Variants in ASAP2 observed in about 807,000 individuals in gnomAD.
The protein encoded by ASAP2 is arf-GAP with SH3 domain, ANK repeat and PH domain-containing protein 2.
Under a neutral mutation model 131.4 loss-of-function variants are expected in ASAP2, and 45 were observed. That is an observed-to-expected ratio of 0.34 (90% CI 0.27 to 0.44). The LOEUF (loss-of-function observed/expected upper bound fraction) is 0.44. Among genes scored for constraint, ASAP2 ranks in the 20% least tolerant of loss-of-function variants. ASAP2 has a pLI of 1.00. For synonymous variants in ASAP2, 510 were observed against 503.0 expected (o/e 1.01, Z -0.19); for missense variants, 1,011 against 1,297.0 (o/e 0.78, Z 3.39).
At chr2:9,305,702 T>G (rs1668870144) in intron 3 of ASAP2, among the ~76,000 whole-genome samples, 1 of 139,914 alleles carries the variant, frequency 7.1e-6, no homozygotes, top group Non-Finnish European at 1.6e-5. Flanking sequence ...GGAGAGGCTG[T>G]AGTAGTGGGG....
chr2:9,355,339 T>C (rs773868662), intron 12 of ASAP2, among the ~76,000 whole-genome samples: 2 of 152,196 alleles, frequency 1.3e-5, no homozygotes, highest in Non-Finnish European at 2.9e-5. Context: ...TATTGACCTG[T>C]TTTTTGGTCA....
intron 3 of ASAP2, 69 bp from the exon 4 acceptor site, chr2:9,318,455 T>A (rs1558326848): frequency 1.4e-5 from 16 of 1,150,368 alleles, no homozygotes; most frequent in Non-Finnish European, 2.1e-5. Context: ...CTCTCTAATG[T>A]CCTTGCTGTC....
At chr2:9,329,550 G>A (rs191795889) in intron 7 of ASAP2, among the ~76,000 whole-genome samples, 206 of 152,298 alleles carry the variant, frequency 1.4e-3, no homozygotes, top group Non-Finnish European at 2.0e-3. Context: ...GAAGCTTCTC[G>A]GCTGTAACAA....
intron 27 of ASAP2, 76 bp from the exon 28 acceptor site, chr2:9,403,177 G>A (rs900462125): frequency 1.1e-5 from 14 of 1,286,156 alleles, no homozygotes; most frequent in Middle Eastern, 1.8e-4. Context: ...TTCACCAAAC[G>A]CTCTATGTAA....
intron 12 of ASAP2, among the ~76,000 whole-genome samples, chr2:9,354,315 G>A (rs900044670): frequency 4.6e-5 from 7 of 152,194 alleles, no homozygotes; most frequent in South Asian, 2.1e-4. Flanking sequence ...TGAGTGCTCC[G>A]ATCGCCCCCT....
chr2:9,300,941 C>T (rs1267154792), intron 3 of ASAP2, among the ~76,000 whole-genome samples: 1 of 152,248 alleles, frequency 6.6e-6, no homozygotes, highest in Non-Finnish European at 1.5e-5. Context: ...AAAATTAGCA[C>T]TCACCATGCC....
At chr2:9,400,584 C>CA (rs561505260) in intron 25 of ASAP2, among the ~76,000 whole-genome samples, 158 bp from the exon 26 acceptor site, 1 of 152,202 alleles carries the variant, frequency 6.6e-6, no homozygotes, top group South Asian at 2.1e-4. Flanking sequence ...ACAAGCTCTC[C>CA]AAGGTCTGCA....
rs753443904 is a variant in ASAP2, at chr2:9,281,984, C to A, written c.199+2595C>A. Among the ~76,000 whole-genome samples the A allele has an allele frequency of 6.6e-6, 1 of 152,204 alleles. No individual in the cohort carries two copies. The highest frequency in any genetic ancestry group is 1.9e-4 in the East Asian group (1 of 5,192). ...ACTTGCAGTTTTCCCCAGAGAGCCA[C>A]GTTTTATGCCTTCTTCCCTCTGCTC... On this transcript the variant is annotated intron_variant, in intron 2 of 27. Transcript: ENST00000281419. This position sits in a 1 kb window ranked among gnomAD's most constrained non-coding sequence, Gnocchi z 4.0.
Position 9,356,226 on chromosome 2 carries a change from C to T in ASAP2, c.1208C>T (p.Ala403Val). 6.2e-7 allele frequency: 1 copy of T among 1,614,074 alleles called. No individual in the cohort carries two copies. Among genetic ancestry groups the T allele is most frequent in the African/African-American group, 1.3e-5 (1 of 75,026 alleles). Residue 403 changes from alanine to valine, a missense_variant, in exon 14 of 28, where the codon GCA becomes GTA. Physicochemically the swap from Ala to Val is moderately conservative, Grantham distance 64. Around this residue, in one of 2 missense-constraint regions of ASAP2, gnomAD observed 359 missense variants for 598.1 expected, o/e 0.60. Transcript: ENST00000281419. ...AGCAAAGAAGAAGCTTTAAACAATG[C>T]ATTTAAGGGGGATGACAATACTGGA... ...QNSKEEALNN[A>V]FKGDDNTGEN...
At position 9,361,658 on chromosome 2, in the gene ASAP2, C is replaced by T. The variant is rs533219019; in HGVS notation, c.1461+2769C>T. The stretch of plus-strand genomic sequence containing the variant: ...TCTTAGCTCACTGCAACCTCTGCCT[C>T]CTGGGTTCAAGCAATCCTCCCACCT... On this transcript the variant is annotated intron_variant, in intron 15 of 27. Coordinates refer to ENST00000281419, the MANE Select transcript of ASAP2 (RefSeq NM_003887.3). Among the ~76,000 whole-genome samples the T allele has an allele frequency of 1.7e-3, 252 of 152,132 alleles. 1 individual carries two copies. Among genetic ancestry groups the T allele is most frequent in the Non-Finnish European group, 2.8e-3 (191 of 68,008 alleles).
At chr2:9,212,955 C>A (rs115708867) in intron 1 of ASAP2, among the ~76,000 whole-genome samples, 1,546 of 152,340 alleles carry the variant, frequency 0.01, 25 homozygotes, top group African/African-American at 0.035. Context: ...AGCAGAGCTG[C>A]CTGGCTCCAC....
intron 2 of ASAP2, among the ~76,000 whole-genome samples, chr2:9,294,260 A>T (rs982799279): frequency 6.6e-6 from 1 of 152,022 alleles, no homozygotes; most frequent in Non-Finnish European, 1.5e-5. Flanking sequence ...CGGCCTCCCA[A>T]AGTGCTGGGA....
chr2:9,230,728 C>T (rs1252789652), intron 1 of ASAP2, among the ~76,000 whole-genome samples: 1 of 152,202 alleles, frequency 6.6e-6, no homozygotes, highest in African/African-American at 2.4e-5. Flanking sequence ...CGTTGTTTCA[C>T]CTTTTGAAGG....
intron 3 of ASAP2, among the ~76,000 whole-genome samples, chr2:9,316,162 CA>C (rs200451277): frequency 6.1e-5 from 9 of 148,602 alleles, no homozygotes; most frequent in Admixed American, 2.0e-4. Flanking sequence ...ACAAAAACTA[CA>C]AAAAAAAAAT....
intron 24 of ASAP2, among the ~76,000 whole-genome samples, chr2:9,397,001 C>CA (rs1373842268): frequency 6.6e-6 from 1 of 151,998 alleles, no homozygotes; most frequent in Non-Finnish European, 1.5e-5. Flanking sequence ...GACTCCGTCT[C>CA]AAAAAAATAA....
At chr2:9,210,004 A>G (rs1398623584) in intron 1 of ASAP2, among the ~76,000 whole-genome samples, 1 of 152,232 alleles carries the variant, frequency 6.6e-6, no homozygotes, top group Non-Finnish European at 1.5e-5. Context: ...TTATTATAGT[A>G]ACTGTTGGGC....
rs529493509 is a variant in ASAP2, at chr2:9,268,361, A to G, written c.127-10956A>G. Among the ~76,000 whole-genome samples, 1 of 152,272 alleles carries G rather than the reference A, an allele frequency of 6.6e-6. No homozygotes were observed. Among genetic ancestry groups the G allele is most frequent in the Non-Finnish European group, 1.5e-5 (1 of 68,016 alleles). The stretch of plus-strand genomic sequence containing the variant: ...TTTTAATTTTTTAAGATAATACCAA[A>G]ACACGCCCTTCTCATCTGTCCTTAG... On this transcript the variant is annotated intron_variant, in intron 1 of 27. Transcript: ENST00000281419. This position sits in a 1 kb window ranked among gnomAD's most constrained non-coding sequence, Gnocchi z 4.1.
intron 6 of ASAP2, among the ~76,000 whole-genome samples, chr2:9,326,623 T>G (rs1242052838): frequency 6.6e-6 from 1 of 152,240 alleles, no homozygotes; most frequent in Non-Finnish European, 1.5e-5. Flanking sequence ...GTAAACATCT[T>G]TATATGTCCC....
chr2:9,344,119 G>C (rs1212545655), intron 9 of ASAP2, among the ~76,000 whole-genome samples: 2 of 152,186 alleles, frequency 1.3e-5, no homozygotes, highest in African/African-American at 4.8e-5. Flanking sequence ...TGGTTCTGTA[G>C]TAAGGGACAG....
Sources: gnomAD v4.1 joint callset for allele counts (sites outside exome capture counted in the v4.1 genomes callset) on GRCh38, gnomAD v4.1.1 for gene constraint, gnomAD v4.1.1 regional missense constraint, Gnocchi (gnomAD v3.1) non-coding constraint, MANE v1.5 for transcripts, NCBI Gene and HGNC (gene_info 2026-07-23, HGNC 2026-07-21) for gene names.